Variants in ATP6V0D1 observed in about 807,000 individuals in gnomAD.
ATP6V0D1 encodes ATPase H+ transporting V0 subunit d1, also known as V-type proton ATPase subunit d 1.
Under a neutral mutation model 39.0 loss-of-function variants are expected in ATP6V0D1, and 13 were observed. The observed-to-expected ratio is 0.33, with a 90% CI of 0.22 to 0.53. The LOEUF (loss-of-function observed/expected upper bound fraction) is 0.53, where lower values mean the gene tolerates loss of function less well. ATP6V0D1 is among the 20% of genes least tolerant of loss of function. ATP6V0D1 has a pLI of 0.94. For synonymous variants in ATP6V0D1, 191 were observed against 191.2 expected (o/e 1.00, Z 0.01); for missense variants, 272 against 470.9 (o/e 0.58, Z 3.91).
In ATP6V0D1 at chr16:67,447,255, G is replaced by A. The variant is rs117983398; in HGVS notation, c.303-2549C>T. Among the ~76,000 whole-genome samples, 1,812 of 152,314 alleles carry A rather than the reference G, an allele frequency of 0.012. 21 individuals carry two copies. Among genetic ancestry groups the A allele is most frequent in the Non-Finnish European group, 0.018 (1,208 of 68,030 alleles). The stretch of plus-strand genomic sequence containing the variant: ...TGCCAGGCCCAGCACTTCCCTTGCC[G>A]GGCTGGCTATAAGCTTGTTGCTGCT... On this transcript the variant is annotated intron_variant, in intron 2 of 7. Transcript: ENST00000290949. This position sits in a 1 kb window ranked among gnomAD's most constrained non-coding sequence, Gnocchi z 4.1.
chr16:67,439,475 A>C, intron 4 of ATP6V0D1, 124 bp from the exon 5 acceptor site: 1 of 889,184 alleles, frequency 1.1e-6, no homozygotes, highest in East Asian at 2.7e-5. Context: ...AAGCACACCC[A>C]TGGATGGGCC....
intron 1 of ATP6V0D1, among the ~76,000 whole-genome samples, chr16:67,475,239 C>T (rs1026698939): frequency 6.6e-6 from 1 of 152,240 alleles, no homozygotes; most frequent in African/African-American, 2.4e-5. Flanking sequence ...CTAACCACCC[C>T]ACAGTCTGTG....
chr16:67,445,169 C>T (rs988610780), intron 2 of ATP6V0D1, among the ~76,000 whole-genome samples: 4 of 152,146 alleles, frequency 2.6e-5, no homozygotes, highest in East Asian at 3.9e-4. Flanking sequence ...CACTGAGTGA[C>T]GGATGCATTG....
At position 67,453,846 on chromosome 16, in the gene ATP6V0D1, T is replaced by C; in HGVS notation, c.131-131A>G. ...TGTCCCGCTACTACCCTGATCTCCA[T>C]CTCCCTGTTGGCTCAGGGCCTACCA... On this transcript the variant is annotated intron_variant, in intron 1 of 7. Coordinates refer to ENST00000290949, the MANE Select transcript of ATP6V0D1 (RefSeq NM_004691.5). This position sits in a 1 kb window ranked among gnomAD's most constrained non-coding sequence, Gnocchi z 4.1. The C allele has an allele frequency of 1.2e-6, 1 of 847,246 alleles. No individual in the cohort carries two copies. Among genetic ancestry groups the C allele is most frequent in the Non-Finnish European group, 1.8e-6 (1 of 549,000 alleles). 52.5% of individuals were successfully genotyped at this position (847,246 alleles called of 1,614,324 possible).
At chr16:67,450,903 G>A (rs962459694) in intron 2 of ATP6V0D1, among the ~76,000 whole-genome samples, 7 of 152,272 alleles carry the variant, frequency 4.6e-5, no homozygotes, top group East Asian at 1.9e-4. Flanking sequence ...GGGTTCGGGC[G>A]GTGGGGGGCA....
chr16:67,479,989 GGAGATC>G (rs2041452571), intron 1 of ATP6V0D1, among the ~76,000 whole-genome samples: 1 of 109,056 alleles, frequency 9.2e-6, no homozygotes, highest in Non-Finnish European at 1.6e-5. Context: ...CACGAGGTCA[GGAGATC>G]GAGACCATCC....
At chr16:67,460,153 G>A (rs1426368010) in intron 1 of ATP6V0D1, among the ~76,000 whole-genome samples, 1 of 152,208 alleles carries the variant, frequency 6.6e-6, no homozygotes, top group Non-Finnish European at 1.5e-5. Context: ...GCAGAGTCTT[G>A]GAGCCTGTTC....
At chr16:67,478,561 C>T (rs898796083) in intron 1 of ATP6V0D1, among the ~76,000 whole-genome samples, 2 of 146,326 alleles carry the variant, frequency 1.4e-5, no homozygotes, top group South Asian at 2.1e-4. Flanking sequence ...TTGCAGTGAG[C>T]GGAGATCGCG....
At position 67,438,884 on chromosome 16, in the gene ATP6V0D1, T is replaced by TG. The variant is rs777899095; in HGVS notation, c.817-15dup. On this transcript the variant is annotated splice_polypyrimidine_tract_variant and intron_variant, in intron 6 of 7. Coordinates refer to ENST00000290949, the MANE Select transcript of ATP6V0D1 (RefSeq NM_004691.5). ...CAGCTTGTACTCCTGGCCAGGGGGG[T>TG]GGGGGGAAGCACAAGCATGAGGGTT... 1.2e-4 allele frequency: 152 copies of TG among 1,231,080 alleles called. No homozygotes were observed. Among genetic ancestry groups the TG allele is most frequent in the Non-Finnish European group, 1.6e-4 (145 of 928,526 alleles). The allele number at this position is 1,231,080 out of a possible 1,614,324, so 76.3% of individuals were successfully genotyped here.
intron 1 of ATP6V0D1, among the ~76,000 whole-genome samples, chr16:67,460,391 CT>C (rs781456815): frequency 5.3e-5 from 8 of 152,024 alleles, no homozygotes; most frequent in East Asian, 3.8e-4. Context: ...GGGAGGAGAC[CT>C]TTTTTTTCAT....
At chr16:67,465,927 G>A (rs764294527) in intron 1 of ATP6V0D1, among the ~76,000 whole-genome samples, 2 of 152,138 alleles carry the variant, frequency 1.3e-5, no homozygotes, top group Non-Finnish European at 2.9e-5. Flanking sequence ...GATGACTCAC[G>A]GGGTCCAGCC....
intron 1 of ATP6V0D1, chr16:67,457,670 T>C (rs557094737): frequency 7.8e-7 from 1 of 1,287,078 alleles, no homozygotes; most frequent in South Asian, 1.2e-5. Context: ...GCCAGGAATG[T>C]GTGCACGTGA....
At chr16:67,474,894 G>C (rs1475804724) in intron 1 of ATP6V0D1, among the ~76,000 whole-genome samples, 1 of 152,106 alleles carries the variant, frequency 6.6e-6, no homozygotes, top group Non-Finnish European at 1.5e-5. Flanking sequence ...AGTTGCCTAA[G>C]CCAAGATGAG....
chr16:67,476,639 A>G (rs2041416676), intron 1 of ATP6V0D1, among the ~76,000 whole-genome samples: 1 of 152,210 alleles, frequency 6.6e-6, no homozygotes, highest in Admixed American at 6.5e-5. Context: ...TTAGAATAGC[A>G]CTATTTTGCA....
intron 4 of ATP6V0D1, 72 bp from the exon 5 acceptor site, chr16:67,439,423 C>A: frequency 3.6e-6 from 5 of 1,397,738 alleles, no homozygotes; most frequent in South Asian, 2.4e-5. Flanking sequence ...CAAGCCCTCA[C>A]AGCTCCCTCC....
At chr16:67,442,137 C>A (rs1256001438) in intron 4 of ATP6V0D1, among the ~76,000 whole-genome samples, 2 of 152,276 alleles carry the variant, frequency 1.3e-5, no homozygotes, top group African/African-American at 4.8e-5. Flanking sequence ...CCAGGCAGGC[C>A]CTTCCCCTAC....
intron 3 of ATP6V0D1, 164 bp from the exon 4 acceptor site, chr16:67,443,342 G>T: frequency 1.6e-6 from 1 of 627,148 alleles, no homozygotes. Context: ...CAGAAGCAAT[G>T]CTCTGGGCCA....
intron 1 of ATP6V0D1, chr16:67,455,726 A>G (rs1368556265): frequency 6.6e-6 from 1 of 152,248 alleles, no homozygotes. Context: ...GCCGTCTGCA[A>G]TGAACCCTTG....
At chr16:67,454,430 G>C (rs1202253618) in intron 1 of ATP6V0D1, 1 of 152,666 alleles carries the variant, frequency 6.6e-6, no homozygotes, top group Non-Finnish European at 1.5e-5. Flanking sequence ...TCAGAGATGG[G>C]GTAAGGGAAA....
Sources: gnomAD v4.1 joint callset for allele counts (sites outside exome capture counted in the v4.1 genomes callset) on GRCh38, gnomAD v4.1.1 for gene constraint, Gnocchi (gnomAD v3.1) non-coding constraint, MANE v1.5 for transcripts, NCBI Gene and HGNC (gene_info 2026-07-23, HGNC 2026-07-21) for gene names.